FSD1L: variants seen among roughly 807,000 people sequenced by gnomAD.
FSD1L encodes the protein fibronectin type III and SPRY domain containing 1 like, also known as FSD1-like protein.
Under a neutral mutation model 71.6 loss-of-function variants are expected in FSD1L, and 45 were observed. The ratio of observed to expected loss-of-function variants is 0.63; its 90% CI spans 0.49 to 0.81. The LOEUF is 0.81. FSD1L is among the 30% of genes least tolerant of loss of function. The probability of loss-of-function intolerance (pLI) is 0.00; values close to 1 mark genes in which losing one functional copy is unlikely to be tolerated. For synonymous variants in FSD1L, 197 were observed against 207.2 expected, an observed-to-expected ratio of 0.95 and a Z score of 0.42; for missense variants, 561 against 618.1, an observed-to-expected ratio of 0.91 and a Z score of 0.98.
At chr9:105,483,263 ATAAC>A (rs1211427741) in intron 6 of FSD1L, among the ~76,000 whole-genome samples, 44 of 152,308 alleles carry the variant, frequency 2.9e-4, no homozygotes, top group Non-Finnish European at 4.9e-4. Context: ...ATGAAGTAAA[ATAAC>A]TAAATACAGA....
intron 10 of FSD1L, chr9:105,523,068 G>C: frequency 6.2e-7 from 1 of 1,614,194 alleles, no homozygotes; most frequent in South Asian, 1.1e-5. Context: ...TACGTCCTCT[G>C]CTGATGTGGA....
chr9:105,473,313 A>ATTGTT (rs1831594300), intron 5 of FSD1L: 1 of 152,282 alleles, frequency 6.6e-6, no homozygotes, highest in African/African-American at 2.4e-5. Flanking sequence ...CTCAAACAAA[A>ATTGTT]CAAAACAAAA....
chr9:105,541,974 G>C (rs763806832), intron 13 of FSD1L, among the ~76,000 whole-genome samples: 1 of 152,108 alleles, frequency 6.6e-6, no homozygotes, highest in Non-Finnish European at 1.5e-5. Context: ...TCATTGCTGA[G>C]TAGTGTTTCA....
intron 9 of FSD1L, among the ~76,000 whole-genome samples, chr9:105,509,231 G>GA (rs1321490912): frequency 2.0e-5 from 3 of 152,116 alleles, no homozygotes; most frequent in Non-Finnish European, 2.9e-5. Flanking sequence ...TATTGCAGAT[G>GA]AAAAAATAGA....
chr9:105,467,643 A>G (rs1831168305), intron 3 of FSD1L, among the ~76,000 whole-genome samples: 2 of 152,228 alleles, frequency 1.3e-5, no homozygotes, highest in Non-Finnish European at 2.9e-5. Flanking sequence ...GATCCAATAA[A>G]TAATTGCTTA....
intron 10 of FSD1L, chr9:105,526,111 G>C: frequency 6.4e-7 from 1 of 1,551,794 alleles, no homozygotes; most frequent in Non-Finnish European, 8.9e-7. Flanking sequence ...TCCCTTCTTT[G>C]GTCCCCTTTT....
At chr9:105,463,289 T>C (rs920556719) in intron 2 of FSD1L, among the ~76,000 whole-genome samples, 1 of 152,224 alleles carries the variant, frequency 6.6e-6, no homozygotes, top group African/African-American at 2.4e-5. Flanking sequence ...ATATTTAAGC[T>C]CATAGGTGCT....
intron 7 of FSD1L, among the ~76,000 whole-genome samples, chr9:105,498,651 G>A (rs1833574881): frequency 6.6e-6 from 1 of 152,162 alleles, no homozygotes; most frequent in Non-Finnish European, 1.5e-5. Flanking sequence ...TGCATTCAGT[G>A]TTATAATTTC....
intron 2 of FSD1L, among the ~76,000 whole-genome samples, chr9:105,463,397 TG>T (rs1210984719): frequency 2.0e-5 from 3 of 152,342 alleles, no homozygotes; most frequent in Non-Finnish European, 4.4e-5. Flanking sequence ...GTTTGGTTTT[TG>T]CTGTTGCTAC....
chr9:105,478,871 C>T (rs1222146258), intron 5 of FSD1L, among the ~76,000 whole-genome samples: 1 of 152,112 alleles, frequency 6.6e-6, no homozygotes, highest in East Asian at 1.9e-4. Context: ...CTGAGAATTC[C>T]TTGCCCTATA....
chr9:105,449,114 A>G (rs945987112), intron 1 of FSD1L, among the ~76,000 whole-genome samples: 2 of 152,234 alleles, frequency 1.3e-5, no homozygotes, highest in African/African-American at 4.8e-5. Context: ...AGCAGGGAAA[A>G]CAAAGACATA....
chr9:105,467,017 A>C (rs1831127773), intron 3 of FSD1L, among the ~76,000 whole-genome samples: 1 of 152,178 alleles, frequency 6.6e-6, no homozygotes, highest in African/African-American at 2.4e-5. Context: ...ATTGAGAGGA[A>C]AATAGTCTGT....
intron 13 of FSD1L, among the ~76,000 whole-genome samples, chr9:105,545,942 T>C (rs1836971899): frequency 6.6e-6 from 1 of 152,112 alleles, no homozygotes. Context: ...TGAGGGGTGT[T>C]AGATTTTTAT....
At chr9:105,530,024 T>G (rs1589090435) in intron 10 of FSD1L, among the ~76,000 whole-genome samples, 1 of 152,334 alleles carries the variant, frequency 6.6e-6, no homozygotes, top group East Asian at 1.9e-4. Context: ...AGCTATATAG[T>G]GCTCTCTAGG....
At chr9:105,534,361 A>T (rs1466011032) in intron 10 of FSD1L, 132 bp from the exon 11 acceptor site, 1 of 562,906 alleles carries the variant, frequency 1.8e-6, no homozygotes, top group African/African-American at 1.9e-5. Context: ...GTTCAGATCA[A>T]ATTGAATGGT....
intron 10 of FSD1L, among the ~76,000 whole-genome samples, chr9:105,516,527 C>T (rs1047133245): frequency 5.3e-5 from 8 of 152,298 alleles, no homozygotes; most frequent in South Asian, 4.1e-4. Flanking sequence ...GTGCAGCCTC[C>T]GCTGGTGATA....
At chr9:105,515,984 A>G (rs1000611392) in intron 10 of FSD1L, among the ~76,000 whole-genome samples, 7 of 152,134 alleles carry the variant, frequency 4.6e-5, no homozygotes, top group Admixed American at 1.3e-4. Flanking sequence ...TCTGAGACTG[A>G]CCTGGGACGC....
At chr9:105,510,175 A>G (rs1002267225) in intron 9 of FSD1L, among the ~76,000 whole-genome samples, 43 of 152,150 alleles carry the variant, frequency 2.8e-4, no homozygotes, top group African/African-American at 1.0e-3. Flanking sequence ...ACTCTTAATC[A>G]TGGGGTTTGT....
At chr9:105,450,559 G>A (rs1189423838) in intron 1 of FSD1L, among the ~76,000 whole-genome samples, 3 of 147,552 alleles carry the variant, frequency 2.0e-5, no homozygotes, top group Non-Finnish European at 3.0e-5. Context: ...TTGAGACGGA[G>A]TTTTGCTCTT....
Sources: allele counts gnomAD v4.1 joint callset (sites outside exome capture counted in the v4.1 genomes callset), GRCh38; gene constraint gnomAD v4.1.1; transcripts MANE v1.5; gene names NCBI Gene and HGNC (gene_info 2026-07-23, HGNC 2026-07-21).